MLLT10: variants seen among roughly 807,000 people sequenced by gnomAD.
MLLT10 encodes the protein protein AF-10.
Under a neutral mutation model 129.1 loss-of-function variants are expected in MLLT10, and 30 were observed. The observed-to-expected ratio is 0.23, with a 90% CI of 0.17 to 0.32. MLLT10 has a LOEUF of 0.32. Among genes scored for constraint, MLLT10 ranks in the 10% least tolerant of loss-of-function variants. The probability of loss-of-function intolerance (pLI) is 1.00; values close to 1 mark genes in which losing one functional copy is unlikely to be tolerated. For synonymous variants in MLLT10, 490 were observed against 446.4 expected (o/e 1.10, Z -1.23); for missense variants, 1,119 against 1,268.3 (o/e 0.88, Z 1.79).
At position 21,738,286 on chromosome 10, in the gene MLLT10, A is replaced by T. The variant is rs1021038825; in HGVS notation, c.2956-1744A>T. On this transcript the variant is annotated intron_variant, in intron 21 of 22. Transcript: ENST00000307729. ...CGGTCTCAAAAAAAAAAAATCTTAA[A>T]TGCTGACACTAAGATGGGATCTTGT... 12 of 749,328 alleles carry T rather than the reference A, an allele frequency of 1.6e-5. No individual in the cohort carries two copies. The African/African-American group carries it at 1.9e-4, about 12-fold the overall frequency. The allele number at this position is 749,328 out of a possible 1,614,324, so 46.4% of individuals were successfully genotyped here. A position where few individuals can be genotyped will look rare whatever the true frequency, so the allele number is the denominator to read the frequency against.
At chr10:21,680,697 C>T (rs545121020) in intron 11 of MLLT10, among the ~76,000 whole-genome samples, 38 of 152,096 alleles carry the variant, frequency 2.5e-4, no homozygotes, top group Admixed American at 7.9e-4. Context: ...CTAGACCTAG[C>T]GTGGTGGCTC....
intron 13 of MLLT10, among the ~76,000 whole-genome samples, chr10:21,700,108 C>CTT (rs79032638): frequency 3.3e-4 from 42 of 126,918 alleles, no homozygotes; most frequent in South Asian, 1.0e-3. Context: ...TAAATGTATT[C>CTT]TTTTTTTTTT....
intron 3 of MLLT10, among the ~76,000 whole-genome samples, chr10:21,561,038 C>T (rs1588943463): frequency 6.6e-6 from 1 of 152,268 alleles, no homozygotes; most frequent in East Asian, 1.9e-4. Flanking sequence ...TTATCCCATT[C>T]TGTGTGTTGT....
chr10:21,612,208 T>G (rs537451759), intron 5 of MLLT10, 140 bp from the exon 6 acceptor site: 2 of 529,308 alleles, frequency 3.8e-6, no homozygotes, highest in Non-Finnish European at 6.7e-6. Flanking sequence ...AAAATTAGAT[T>G]ATTGTCCAAA....
At chr10:21,571,339 C>G (rs1326537003) in intron 3 of MLLT10, among the ~76,000 whole-genome samples, 2 of 152,176 alleles carry the variant, frequency 1.3e-5, no homozygotes, top group Non-Finnish European at 2.9e-5. Flanking sequence ...CTCCAGCTCT[C>G]TACTCAGTGC....
intron 13 of MLLT10, among the ~76,000 whole-genome samples, chr10:21,698,701 A>G (rs1267320175): frequency 1.3e-5 from 2 of 152,190 alleles, no homozygotes; most frequent in Non-Finnish European, 2.9e-5. Flanking sequence ...ATAGTGTATA[A>G]GAGTTTATTT....
At chr10:21,594,961 A>G (rs370342115) in intron 4 of MLLT10, among the ~76,000 whole-genome samples, 24 of 152,350 alleles carry the variant, frequency 1.6e-4, no homozygotes, top group African/African-American at 5.8e-4. Flanking sequence ...TAAAATGATT[A>G]AGATAATTAA....
chr10:21,538,707 T>C, intron 2 of MLLT10, 126 bp from the exon 3 acceptor site: 1 of 632,066 alleles, frequency 1.6e-6, no homozygotes, highest in Non-Finnish European at 2.8e-6. Context: ...TGAACTGTTT[T>C]ACTTCTCTGT....
intron 9 of MLLT10, among the ~76,000 whole-genome samples, chr10:21,669,990 T>C (rs1403656299): frequency 6.6e-6 from 1 of 152,200 alleles, no homozygotes; most frequent in Non-Finnish European, 1.5e-5. Flanking sequence ...CCGCTAGCCT[T>C]ATAAACTCAT....
Position 21,542,405 on chromosome 10 carries a change from C to G in MLLT10, c.240+3493C>G, listed in dbSNP as rs1310863703. 3.9e-5 allele frequency among the ~76,000 whole-genome samples: 6 copies of G among 152,096 alleles called. No individual in the cohort carries two copies. In the East Asian group the frequency reaches 5.8e-4, roughly 15 times the overall value. Reference sequence around the variant, plus strand: ...CTAACATCTTAAAACCCCGTTTCTTCTAAAAATACAAAAAATTAGCCGGGC... The same window carrying G: ...CTAACATCTTAAAACCCCGTTTCTTGTAAAAATACAAAAAATTAGCCGGGC... On this transcript the variant is annotated intron_variant, in intron 3 of 22. Transcript: ENST00000307729.
chr10:21,598,963 A>C (rs1460172502), intron 5 of MLLT10, among the ~76,000 whole-genome samples: 4 of 151,798 alleles, frequency 2.6e-5, no homozygotes, highest in African/African-American at 7.3e-5. Context: ...GTAGATCACG[A>C]GGTCAGGAGT....
chr10:21,549,185 G>A (rs1339011333), intron 3 of MLLT10, among the ~76,000 whole-genome samples: 3 of 147,998 alleles, frequency 2.0e-5, no homozygotes, highest in African/African-American at 5.0e-5. Context: ...GTGCAGTGGC[G>A]CAGTCTCGGC....
chr10:21,640,268 T>G (rs937600163), intron 8 of MLLT10, among the ~76,000 whole-genome samples: 3 of 144,362 alleles, frequency 2.1e-5, no homozygotes, highest in South Asian at 2.1e-4. Context: ...TAATATATAT[T>G]ATATTGTATT....
At chr10:21,705,108 T>C (rs1240545951) in intron 13 of MLLT10, among the ~76,000 whole-genome samples, 2 of 152,154 alleles carry the variant, frequency 1.3e-5, no homozygotes, top group Non-Finnish European at 1.5e-5. Context: ...TTCTCGGGTC[T>C]GCAGCCAGCC....
chr10:21,670,426 C>T lies in MLLT10; in HGVS notation c.796-23C>T, dbSNP rs1353070028. 10 of 1,576,836 alleles carry T rather than the reference C, an allele frequency of 6.3e-6. No homozygotes were observed. In the Admixed American group the frequency reaches 1.3e-4, roughly 21 times the overall value. On this transcript the variant is annotated intron_variant, in intron 9 of 22. Transcript: ENST00000307729. The stretch of plus-strand genomic sequence containing the variant: ...AAAATGTAATCAACTCTTTTTCCTT[C>T]CCTTTTTGAATCAAAATGTTAGACT...
chr10:21,704,804 T>G (rs1262210583), intron 13 of MLLT10, among the ~76,000 whole-genome samples: 1 of 152,200 alleles, frequency 6.6e-6, no homozygotes, highest in Non-Finnish European at 1.5e-5. Flanking sequence ...ATGTAATCTC[T>G]GGATGATTTA....
intron 3 of MLLT10, among the ~76,000 whole-genome samples, chr10:21,545,102 G>A (rs1456275185): frequency 6.6e-6 from 1 of 152,064 alleles, no homozygotes; most frequent in Non-Finnish European, 1.5e-5. Context: ...CCGAGATCGC[G>A]CTATTGCACT....
intron 7 of MLLT10, 103 bp from the exon 8 acceptor site, chr10:21,617,009 A>G (rs184587499): frequency 1.2e-4 from 50 of 428,392 alleles, no homozygotes; most frequent in Admixed American, 1.8e-4. Flanking sequence ...TTCAGTAGAC[A>G]TTAAAAATAC....
chr10:21,556,996 A>G (rs376466641), intron 3 of MLLT10: 2 of 1,487,500 alleles, frequency 1.3e-6, no homozygotes, highest in Non-Finnish European at 8.9e-7. Flanking sequence ...TATATTTCTT[A>G]CAGGGTTTTG....
Sources: allele counts gnomAD v4.1 joint callset (sites outside exome capture counted in the v4.1 genomes callset), GRCh38; gene constraint gnomAD v4.1.1; transcripts MANE v1.5; gene names NCBI Gene and HGNC (gene_info 2026-07-23, HGNC 2026-07-21).